The following NTM variants were observed in gnomAD, a reference collection of about 807,000 sequenced individuals.
NTM encodes neurotrimin.
Under a neutral mutation model 42.1 loss-of-function variants are expected in NTM, and 13 were observed. That is an observed-to-expected ratio of 0.31 (90% CI 0.20 to 0.49). NTM has a LOEUF of 0.49. Among genes scored for constraint, NTM ranks in the 20% least tolerant of loss-of-function variants. The pLI, the probability that NTM is intolerant of heterozygous loss-of-function variation, is 0.99. For missense variants in NTM, 373 were observed against 452.8 expected (o/e 0.82, Z 1.60); for synonymous variants, 187 against 179.2 (o/e 1.04, Z -0.35).
rs888268796 is a variant in NTM at position 131,711,149 on chromosome 11, G to A, written c.83-200415G>A. On this transcript the variant is annotated intron_variant, in intron 1 of 8. Transcript: ENST00000683400. ...ACAAATGGGATCTAATTAAACTAAAGCGCTTCTGCACCGCAAAAGAAACTA... is the reference window on the plus strand; with the variant it reads ...ACAAATGGGATCTAATTAAACTAAAACGCTTCTGCACCGCAAAAGAAACTA... 2.0e-5 allele frequency among the ~76,000 whole-genome samples: 3 copies of A among 152,152 alleles called. No homozygotes were observed. In the East Asian group the frequency reaches 5.8e-4, roughly 29 times the overall value.
intron 2 of NTM, among the ~76,000 whole-genome samples, chr11:131,963,685 A>G (rs2062481123): frequency 6.6e-6 from 1 of 152,232 alleles, no homozygotes; most frequent in African/African-American, 2.4e-5. Context: ...GGCACAGGGT[A>G]GTGAATAAAT....
At chr11:131,647,781 A>G (rs930915320) in intron 1 of NTM, among the ~76,000 whole-genome samples, 4 of 152,180 alleles carry the variant, frequency 2.6e-5, no homozygotes, top group African/African-American at 9.7e-5. Flanking sequence ...CAGGGACCCA[A>G]AACAGAAGAA....
intron 2 of NTM, among the ~76,000 whole-genome samples, chr11:132,034,869 T>A (rs1027661715): frequency 6.6e-6 from 1 of 152,306 alleles, no homozygotes; most frequent in East Asian, 1.9e-4. Flanking sequence ...TGATCAAAAA[T>A]GTTCCCACTA....
chr11:131,527,273 T>TACAAAACAGTTTTTATTCCCC (rs1453493811), intron 1 of NTM, among the ~76,000 whole-genome samples: 3 of 152,198 alleles, frequency 2.0e-5, no homozygotes, highest in African/African-American at 7.2e-5. Context: ...CCTCATTCCC[T>TACAAAACAGTTTTTATTCCCC]ACAAAACAGT....
chr11:131,561,261 G>A (rs997386943), intron 1 of NTM, among the ~76,000 whole-genome samples: 1 of 152,220 alleles, frequency 6.6e-6, no homozygotes, highest in Non-Finnish European at 1.5e-5. Context: ...TAGATAGGAT[G>A]CTTGGCAAAC....
chr11:131,950,406 C>G (rs1184953058), intron 2 of NTM, among the ~76,000 whole-genome samples: 2 of 152,192 alleles, frequency 1.3e-5, no homozygotes, highest in Non-Finnish European at 2.9e-5. Context: ...TCTCTGTCCT[C>G]TTGCTTCTGC....
intron 1 of NTM, among the ~76,000 whole-genome samples, chr11:131,518,816 T>A (rs2049220665): frequency 6.6e-6 from 1 of 152,182 alleles, no homozygotes; most frequent in South Asian, 2.1e-4. Flanking sequence ...ACTAAATGAG[T>A]AAGTGCTTGT....
chr11:132,146,305 C>A lies in NTM; in HGVS notation c.191C>A (p.Thr64Asn). 6.2e-7 allele frequency: 1 copy of A among 1,614,234 alleles called. No individual in the cohort carries two copies. The highest frequency in any genetic ancestry group is 8.5e-7 in the Non-Finnish European group (1 of 1,180,050). ...TLRCTIDNRV[T>N]RVAWLNRSTI... ...AGGTGCACTATTGACAACCGGGTCA[C>A]CCGGGTGGCCTGGCTAAACCGCAGC... The change falls in exon 3 of 9, where the codon ACC (threonine) becomes AAC (asparagine). Residue 64 changes from threonine (T) to asparagine (N), a missense_variant. Thr to Asn is a moderately conservative substitution (Grantham distance 65). Transcript: ENST00000683400. The surrounding 1 kb of genome is among the most constrained non-coding windows in gnomAD (Gnocchi z 4.5).
chr11:131,765,003 A>G (rs1283743671), intron 1 of NTM, among the ~76,000 whole-genome samples: 1 of 152,142 alleles, frequency 6.6e-6, no homozygotes, highest in Non-Finnish European at 1.5e-5. Context: ...ACCTTAGAAG[A>G]CATGCCAAAG....
Position 132,307,881 on chromosome 11 carries a change from G to A in NTM, c.661+58G>A, listed in dbSNP as rs893829498. The stretch of plus-strand genomic sequence containing the variant: ...TGCATCAGGCTGGCCTGTTGTCACA[G>A]CCACCACCCAGAGCCCATTGGCACA... On this transcript the variant is annotated intron_variant, in intron 5 of 8. Coordinates refer to ENST00000683400, the MANE Select transcript of NTM (RefSeq NM_001352005.2). 8 of 1,562,184 alleles carry A rather than the reference G, an allele frequency of 5.1e-6. No individual in the cohort carries two copies. The African/African-American group carries it at 1.1e-4, about 21-fold the overall frequency.
intron 2 of NTM, among the ~76,000 whole-genome samples, chr11:132,088,980 C>A (rs996154917): frequency 1.1e-4 from 16 of 152,024 alleles, no homozygotes; most frequent in African/African-American, 3.9e-4. Context: ...AAGAGGAATG[C>A]CTAATGATTT....
intron 1 of NTM, among the ~76,000 whole-genome samples, chr11:131,703,837 C>T (rs1187663267): frequency 1.3e-5 from 2 of 152,152 alleles, no homozygotes; most frequent in African/African-American, 4.8e-5. Flanking sequence ...AGACCCAACA[C>T]CAGGACAGCT....
chr11:131,845,262 A>C (rs2044752377), intron 1 of NTM, among the ~76,000 whole-genome samples: 1 of 152,200 alleles, frequency 6.6e-6, no homozygotes, highest in African/African-American at 2.4e-5. Context: ...TCAGTGAATA[A>C]ATCTACTAAT....
chr11:131,803,789 G>A (rs577001274), intron 1 of NTM, among the ~76,000 whole-genome samples: 2 of 152,292 alleles, frequency 1.3e-5, no homozygotes, highest in South Asian at 2.1e-4. Flanking sequence ...CCCCTTGTGG[G>A]CTCCTCCGCC....
intron 3 of NTM, among the ~76,000 whole-genome samples, chr11:132,150,543 G>T (rs939710719): frequency 3.9e-5 from 6 of 152,128 alleles, no homozygotes; most frequent in Non-Finnish European, 8.8e-5. Context: ...AAAGGAGAGT[G>T]GAATTTTGGA....
chr11:132,061,872 T>A (rs1462265544), intron 2 of NTM, among the ~76,000 whole-genome samples: 2 of 152,102 alleles, frequency 1.3e-5, no homozygotes, highest in Non-Finnish European at 2.9e-5. Context: ...TTTTTAAAAA[T>A]TTTCTTTTGT....
intron 1 of NTM, among the ~76,000 whole-genome samples, chr11:131,613,701 C>G (rs1022039176): frequency 6.6e-6 from 1 of 152,154 alleles, no homozygotes; most frequent in Non-Finnish European, 1.5e-5. Context: ...TTACCCACTA[C>G]TGAGAGGTGG....
chr11:131,789,982 G>C (rs1289460765), intron 1 of NTM, among the ~76,000 whole-genome samples: 3 of 86,574 alleles, frequency 3.5e-5, no homozygotes, highest in African/African-American at 1.4e-4. Context: ...AAAAAAAAAA[G>C]CATGCTTCTC....
At chr11:131,784,277 C>T (rs1365496427) in intron 1 of NTM, among the ~76,000 whole-genome samples, 1 of 152,092 alleles carries the variant, frequency 6.6e-6, no homozygotes, top group Non-Finnish European at 1.5e-5. Context: ...ACCTAGTAAT[C>T]TCTATGTATT....
Sources: allele counts gnomAD v4.1 joint callset (sites outside exome capture counted in the v4.1 genomes callset), GRCh38; gene constraint gnomAD v4.1.1; non-coding constraint Gnocchi (gnomAD v3.1); transcripts MANE v1.5; gene names NCBI Gene and HGNC (gene_info 2026-07-23, HGNC 2026-07-21).